Variants in PDCL2 observed in about 807,000 individuals in gnomAD.
The protein encoded by PDCL2 is phosducin like 2, also known as phosducin-like protein 2.
In PDCL2, 23 loss-of-function variants were observed where a neutral mutation model predicts 30.3. The ratio of observed to expected loss-of-function variants is 0.76; its 90% CI spans 0.55 to 1.08. PDCL2 has a LOEUF of 1.08. Among genes scored for constraint, PDCL2 ranks in the 50% least tolerant of loss-of-function variants. PDCL2 has a pLI of 0.00. For missense variants in PDCL2, 243 were observed against 282.3 expected, an observed-to-expected ratio of 0.86 and a Z score of 1.00; for synonymous variants, 68 against 86.2, an observed-to-expected ratio of 0.79 and a Z score of 1.17.
chr4:55,566,733 G>A (rs1221380464), intron 4 of PDCL2, among the ~76,000 whole-genome samples: 1 of 151,970 alleles, frequency 6.6e-6, no homozygotes, highest in Non-Finnish European at 1.5e-5. Flanking sequence ...CCAGCCCCAG[G>A]AATGTATTTT....
chr4:55,569,753 T>A lies in PDCL2; in HGVS notation c.327A>T (p.Glu109Asp), dbSNP rs774320973. The A allele has an allele frequency of 1.3e-6, 2 of 1,552,968 alleles. No homozygotes were observed. Among genetic ancestry groups the A allele is most frequent in the Non-Finnish European group, 1.7e-6 (2 of 1,143,468 alleles). The change falls in exon 4 of 6, where the codon GAA becomes GAT. Residue 109 changes from glutamate to aspartate, a missense_variant. Coordinates refer to ENST00000295645, the MANE Select transcript of PDCL2 (RefSeq NM_152401.3). ...QYVNEVTNAE[E>D]DVWVIIHLYR... ...ATAGATGAATTATAACCCACACATC[T>A]TCTTCTGCATTTGTGACTTCATTCA...
intron 1 of PDCL2, among the ~76,000 whole-genome samples, chr4:55,587,488 T>C (rs1732893920): frequency 6.6e-6 from 1 of 152,098 alleles, no homozygotes; most frequent in African/African-American, 2.4e-5. Flanking sequence ...CTGGATATTA[T>C]CCTCTTATCA....
At chr4:55,563,765 A>C (rs1243054774) in intron 4 of PDCL2, among the ~76,000 whole-genome samples, 11 of 152,222 alleles carry the variant, frequency 7.2e-5, no homozygotes, top group Non-Finnish European at 1.3e-4. Flanking sequence ...TATTGGGGTA[A>C]ATCAGGTTAC....
At chr4:55,569,679 T>C in intron 4 of PDCL2, 39 bp downstream of exon 4, 1 of 1,422,878 alleles carries the variant, frequency 7.0e-7, no homozygotes, top group Non-Finnish European at 9.3e-7. Flanking sequence ...TCTTTTAAAA[T>C]AGTAGTATAT....
chr4:55,563,038 C>G (rs1732175951), intron 4 of PDCL2, among the ~76,000 whole-genome samples: 1 of 152,172 alleles, frequency 6.6e-6, no homozygotes, highest in Non-Finnish European at 1.5e-5. Context: ...ATATCCAGAA[C>G]TGTCTTTCCT....
chr4:55,557,877 G>C (rs1317143773), intron 5 of PDCL2, among the ~76,000 whole-genome samples: 6 of 151,402 alleles, frequency 4.0e-5, no homozygotes, highest in Non-Finnish European at 8.8e-5. Context: ...AGGCTGAGGA[G>C]GGCGGATCAC....
chr4:55,581,032 G>A, intron 2 of PDCL2, 121 bp from the exon 3 acceptor site: 1 of 631,690 alleles, frequency 1.6e-6, no homozygotes, highest in Non-Finnish European at 2.5e-6. Context: ...ACAGCCGGGT[G>A]CGATGGAATC....
intron 1 of PDCL2, 129 bp downstream of exon 1, chr4:55,591,975 G>T: frequency 7.7e-7 from 1 of 1,305,450 alleles, no homozygotes. Flanking sequence ...GCAAAATTTA[G>T]CACTTTCCAA....
chr4:55,565,971 CTGTT>C (rs1732253556), intron 4 of PDCL2, among the ~76,000 whole-genome samples: 1 of 87,012 alleles, frequency 1.1e-5, no homozygotes, highest in Non-Finnish European at 2.3e-5. Flanking sequence ...ATCCATTTTT[CTGTT>C]TTTTTTTTTT....
At chr4:55,561,593 A>G (rs185120922) in intron 5 of PDCL2, among the ~76,000 whole-genome samples, 1 of 152,276 alleles carries the variant, frequency 6.6e-6, no homozygotes, top group African/African-American at 2.4e-5. Flanking sequence ...AACAAAAAAC[A>G]AAAACCGAAA....
At chr4:55,560,185 A>T (rs1266707512) in intron 5 of PDCL2, among the ~76,000 whole-genome samples, 131 of 70,188 alleles carry the variant, frequency 1.9e-3, no homozygotes, top group African/African-American at 6.7e-3. Context: ...TGTCTCAAAA[A>T]AAAAGGGGGG....
chr4:55,591,307 C>T (rs925076983), intron 1 of PDCL2, among the ~76,000 whole-genome samples: 5 of 151,292 alleles, frequency 3.3e-5, no homozygotes, highest in African/African-American at 1.2e-4. Flanking sequence ...AAAAAAAGGA[C>T]GGCACAGGCT....
chr4:55,564,353 A>G (rs1403212276), intron 4 of PDCL2, among the ~76,000 whole-genome samples: 2 of 152,164 alleles, frequency 1.3e-5, no homozygotes, highest in Non-Finnish European at 2.9e-5. Flanking sequence ...TTGCCCGAAG[A>G]CAGTTCTGAC....
intron 1 of PDCL2, among the ~76,000 whole-genome samples, chr4:55,582,827 A>G (rs1038346452): frequency 3.4e-5 from 5 of 147,444 alleles, no homozygotes; most frequent in Admixed American, 7.0e-5. Flanking sequence ...TCATTGTTCA[A>G]TTCCCACCTA....
At chr4:55,591,677 A>T (rs1169075190) in intron 1 of PDCL2, among the ~76,000 whole-genome samples, 8 of 152,142 alleles carry the variant, frequency 5.3e-5, no homozygotes, top group Non-Finnish European at 1.2e-4. Context: ...GTGAGGTGCA[A>T]GAAACTCTAG....
chr4:55,568,789 G>A (rs1344791874), intron 4 of PDCL2, among the ~76,000 whole-genome samples: 1 of 152,148 alleles, frequency 6.6e-6, no homozygotes, highest in African/African-American at 2.4e-5. Flanking sequence ...TTAATCACTG[G>A]ATAAAGCTCT....
At chr4:55,586,829 T>C (rs570873344) in intron 1 of PDCL2, among the ~76,000 whole-genome samples, 3 of 152,254 alleles carry the variant, frequency 2.0e-5, no homozygotes, top group African/African-American at 7.2e-5. Flanking sequence ...TATCAACAGT[T>C]TTGTTATTGC....
At chr4:55,563,953 G>T (rs1443474690) in intron 4 of PDCL2, among the ~76,000 whole-genome samples, 3 of 152,196 alleles carry the variant, frequency 2.0e-5, no homozygotes, top group African/African-American at 7.2e-5. Flanking sequence ...ATCAGACAAG[G>T]GAAGGCCCTC....
Position 55,580,910 on chromosome 4 carries a change from C to A in PDCL2, c.129G>T (p.Val43=). Residue 43 remains valine (V), a splice_region_variant and synonymous_variant, in exon 3 of 6, where the codon GTG becomes GTT. Coordinates refer to ENST00000295645, the MANE Select transcript of PDCL2 (RefSeq NM_152401.3). ...MVLRLQKEAM[V]KPFEKMTLAQ... ...CAAGAGTCATCTTTTCAAATGGTTT[C>A]ACTAAAACAACATAAATTATAGATT... is the stretch of plus-strand genomic sequence containing the variant. 1 of 1,586,518 alleles carries A rather than the reference C, an allele frequency of 6.3e-7. No individual in the cohort carries two copies. Among genetic ancestry groups the A allele is most frequent in the Non-Finnish European group, 8.5e-7 (1 of 1,170,962 alleles).
Sources: allele counts gnomAD v4.1 joint callset (sites outside exome capture counted in the v4.1 genomes callset), GRCh38; gene constraint gnomAD v4.1.1; transcripts MANE v1.5; gene names NCBI Gene and HGNC (gene_info 2026-07-23, HGNC 2026-07-21).